CDC42BPB: variants seen among roughly 807,000 people sequenced by gnomAD.
The protein encoded by CDC42BPB is serine/threonine-protein kinase MRCK beta.
In CDC42BPB, 37 loss-of-function variants were observed where a neutral mutation model predicts 214.9. The ratio of observed to expected loss-of-function variants is 0.17; its 90% CI spans 0.13 to 0.23. The LOEUF is 0.23. Among genes scored for constraint, CDC42BPB ranks in the 10% least tolerant of loss-of-function variants. The probability of loss-of-function intolerance (pLI) is 1.00; values close to 1 mark genes in which losing one functional copy is unlikely to be tolerated. For missense variants in CDC42BPB, 1,694 were observed against 2,227.0 expected, an observed-to-expected ratio of 0.76 and a Z score of 4.82; for synonymous variants, 931 against 884.0, an observed-to-expected ratio of 1.05 and a Z score of -0.94.
chr14:102,993,648 C>T (rs374976049), intron 5 of CDC42BPB, among the ~76,000 whole-genome samples: 1 of 152,122 alleles, frequency 6.6e-6, no homozygotes, highest in Non-Finnish European at 1.5e-5. Context: ...CACTCAGAAG[C>T]GCTCACTCGA....
rs954781406 is a variant in CDC42BPB, at chr14:103,012,328, A to G, written c.176-140T>C. Reference sequence around the variant, plus strand: ...TATTTAATATCTGACATGTTTTGGAAAGTGAGCACTTATACCAATGGACAC... The same window carrying G: ...TATTTAATATCTGACATGTTTTGGAGAGTGAGCACTTATACCAATGGACAC... On this transcript the variant is annotated intron_variant, in intron 1 of 36. Coordinates refer to ENST00000361246, the MANE Select transcript of CDC42BPB (RefSeq NM_006035.4). The G allele has an allele frequency of 4.8e-6, 7 of 1,444,534 alleles. No homozygotes were observed. In the African/African-American group the frequency reaches 1.0e-4, roughly 21 times the overall value. The allele number at this position is 1,444,534 out of a possible 1,614,324, so 89.5% of individuals were successfully genotyped here. A position where few individuals can be genotyped will look rare whatever the true frequency, so the allele number is the denominator to read the frequency against.
Position 102,941,425 on chromosome 14 carries a change from G to C in CDC42BPB, c.4409-1101C>G, listed in dbSNP as rs1311687594. The C allele has an allele frequency of 4.1e-6, 4 of 985,348 alleles. No homozygotes were observed. The African/African-American group carries it at 7.0e-5, about 17-fold the overall frequency. 61.0% of individuals were successfully genotyped at this position (985,348 alleles called of 1,614,324 possible). ...TGAATACAAAAAGGGAAATCAAACA[G>C]GGTTTGCAAGAAAGACAAAAGATAC... On this transcript the variant is annotated intron_variant, in intron 30 of 36. Coordinates refer to ENST00000361246, the MANE Select transcript of CDC42BPB (RefSeq NM_006035.4).
At chr14:102,995,611 C>A (rs921604898) in intron 5 of CDC42BPB, among the ~76,000 whole-genome samples, 4 of 152,206 alleles carry the variant, frequency 2.6e-5, no homozygotes, top group African/African-American at 4.8e-5. Context: ...GATTTCCTCA[C>A]CCGGAAGGCT....
In CDC42BPB at chr14:102,968,508, A is replaced by G. The variant is rs377340354; in HGVS notation, c.2204T>C (p.Met735Thr). 1.1e-5 allele frequency: 17 copies of G among 1,614,062 alleles called. No individual in the cohort carries two copies. The highest frequency in any genetic ancestry group is 2.7e-5 in the African/African-American group (2 of 74,924). Residue 735 changes from methionine to threonine, a missense_variant, in exon 15 of 37, where the codon ATG becomes ACG. Met to Thr is a moderately conservative substitution (Grantham distance 81). Transcript: ENST00000361246. ...HQLALQKEIL[M>T]LKDKLEKSKR... is the part of the protein sequence containing the mutation. ...TGACTTTTCTAACTTATCTTTTAAC[A>G]TCAAGATTTCTTTCTGCAGGGCCAG...
At chr14:102,961,381 C>T (rs1478698867) in intron 20 of CDC42BPB, among the ~76,000 whole-genome samples, 1 of 151,756 alleles carries the variant, frequency 6.6e-6, no homozygotes, top group Non-Finnish European at 1.5e-5. Context: ...GTCACCCAGG[C>T]TGGAGTGCAG....
intron 1 of CDC42BPB, among the ~76,000 whole-genome samples, chr14:103,029,858 C>CAAA (rs11299296): frequency 7.1e-4 from 44 of 62,332 alleles, no homozygotes; most frequent in Middle Eastern, 0.012. Context: ...ACTCCATCTC[C>CAAA]AAAAAAAAAA....
chr14:102,989,107 G>T (rs1200581833), intron 5 of CDC42BPB, among the ~76,000 whole-genome samples: 1 of 152,026 alleles, frequency 6.6e-6, no homozygotes, highest in Admixed American at 6.6e-5. Context: ...CATAATAAAA[G>T]GGTAAAACCA....
intron 19 of CDC42BPB, among the ~76,000 whole-genome samples, chr14:102,963,557 A>G (rs1158655687): frequency 1.3e-5 from 2 of 152,250 alleles, no homozygotes; most frequent in East Asian, 1.9e-4. Context: ...CCGCACGGGT[A>G]GCCTTGCAAT....
intron 1 of CDC42BPB, among the ~76,000 whole-genome samples, chr14:103,015,095 G>T (rs35776138): frequency 1.7e-4 from 26 of 152,280 alleles, no homozygotes; most frequent in Non-Finnish European, 3.7e-4. Flanking sequence ...GATGATGGTG[G>T]CCAGGCTGGA....
intron 1 of CDC42BPB, chr14:103,041,529 T>G (rs1382012743): frequency 9.4e-6 from 13 of 1,378,960 alleles, no homozygotes; most frequent in Admixed American, 1.9e-5. Flanking sequence ...AGCTGGCTCG[T>G]GGCCACATGG....
rs1894970704 is a variant in CDC42BPB, at chr14:103,001,339, G to C, written c.448-1626C>G. On this transcript the variant is annotated intron_variant, in intron 4 of 36. Transcript: ENST00000361246. This position sits in a 1 kb window ranked among gnomAD's most constrained non-coding sequence, Gnocchi z 5.8. The stretch of plus-strand genomic sequence containing the variant: ...CCTGGCTCAGCAGAGCTCACACTGG[G>C]GGCGGGAGAGACCGTGGCCAGCATG... Among the ~76,000 whole-genome samples, 1 of 152,232 alleles carries C rather than the reference G, an allele frequency of 6.6e-6. No homozygotes were observed. Among genetic ancestry groups the C allele is most frequent in the Non-Finnish European group, 1.5e-5 (1 of 68,044 alleles).
At position 103,001,904 on chromosome 14, in the gene CDC42BPB, C is replaced by T. The variant is rs1895002938; in HGVS notation, c.447+2024G>A. On this transcript the variant is annotated intron_variant, in intron 4 of 36. Transcript: ENST00000361246. The surrounding 1 kb of genome is among the most constrained non-coding windows in gnomAD (Gnocchi z 5.8). Reference sequence around the variant, plus strand: ...GATCAACGGTCTCCTGGAGCATGGTCTCTGAGGAAAGCTAACGCGGGAGCT... The same window carrying T: ...GATCAACGGTCTCCTGGAGCATGGTTTCTGAGGAAAGCTAACGCGGGAGCT... 6.6e-6 allele frequency among the ~76,000 whole-genome samples: 1 copy of T among 152,190 alleles called. No individual in the cohort carries two copies. The highest frequency in any genetic ancestry group is 6.5e-5 in the Admixed American group (1 of 15,284).
chr14:103,022,519 G>A (rs1468120660), intron 1 of CDC42BPB, among the ~76,000 whole-genome samples: 3 of 152,110 alleles, frequency 2.0e-5, no homozygotes, highest in African/African-American at 7.2e-5. Context: ...ACCACGCCCG[G>A]GAGATGTTTG....
intron 1 of CDC42BPB, among the ~76,000 whole-genome samples, chr14:103,043,913 T>C (rs1888148530): frequency 6.6e-6 from 1 of 152,200 alleles, no homozygotes; most frequent in African/African-American, 2.4e-5. Context: ...AGGAAATATA[T>C]CCAGGCTTAT....
At chr14:102,951,753 CT>C (rs1451270581) in intron 24 of CDC42BPB, among the ~76,000 whole-genome samples, 1 of 152,028 alleles carries the variant, frequency 6.6e-6, no homozygotes, top group Admixed American at 6.5e-5. Flanking sequence ...AGCCACTGCA[CT>C]CTAGCCTGGG....
At chr14:102,937,205 G>A (rs8019770) in intron 36 of CDC42BPB, 3,011 of 152,404 alleles carry the variant, frequency 0.02, 116 homozygotes, top group African/African-American at 0.068. Context: ...AGGAAACAGC[G>A]GACAAACTCA....
chr14:102,954,733 T>C (rs2139408427), intron 21 of CDC42BPB, 45 bp from the exon 22 acceptor site: 1 of 1,583,656 alleles, frequency 6.3e-7, no homozygotes, highest in Non-Finnish European at 8.6e-7. Flanking sequence ...GGACATATTC[T>C]ACATGATCCA....
chr14:103,015,575 C>A (rs966341987), intron 1 of CDC42BPB, among the ~76,000 whole-genome samples: 22 of 152,162 alleles, frequency 1.4e-4, no homozygotes, highest in Non-Finnish European at 2.8e-4. Flanking sequence ...ACCCTGCTAA[C>A]CACACAGGTA....
chr14:102,990,149 G>C (rs1180370924), intron 5 of CDC42BPB, among the ~76,000 whole-genome samples: 1 of 152,146 alleles, frequency 6.6e-6, no homozygotes, highest in African/African-American at 2.4e-5. Context: ...AATCAACAAA[G>C]GCGGAAGGGA....
Sources: allele counts gnomAD v4.1 joint callset (sites outside exome capture counted in the v4.1 genomes callset), GRCh38; gene constraint gnomAD v4.1.1; non-coding constraint Gnocchi (gnomAD v3.1); transcripts MANE v1.5; gene names NCBI Gene and HGNC (gene_info 2026-07-23, HGNC 2026-07-21).